Variants in LRP1B observed in about 807,000 individuals in gnomAD.
LRP1B encodes the protein low-density lipoprotein receptor-related protein 1B.
A neutral mutation model predicts 556.6 loss-of-function variants in LRP1B; 217 were observed. That is an observed-to-expected ratio of 0.39 (90% CI 0.35 to 0.44). LRP1B has a LOEUF of 0.44. Ranked by LOEUF, LRP1B falls within the 20% of genes least tolerant of loss-of-function variation. The probability of loss-of-function intolerance (pLI) is 1.00; values close to 1 mark genes in which losing one functional copy is unlikely to be tolerated. For missense variants in LRP1B, 5,053 were observed against 5,620.8 expected, an observed-to-expected ratio of 0.90 and a Z score of 3.23; for synonymous variants, 2,047 against 1,865.8, an observed-to-expected ratio of 1.10 and a Z score of -2.50.
intron 29 of LRP1B, among the ~76,000 whole-genome samples, chr2:140,842,584 A>C (rs1267628663): frequency 6.6e-6 from 1 of 152,014 alleles, no homozygotes; most frequent in East Asian, 1.9e-4. Context: ...TCTTATTTTT[A>C]GTTATCCTCA....
At chr2:141,906,429 T>A (rs1464314117) in intron 1 of LRP1B, among the ~76,000 whole-genome samples, 3 of 152,008 alleles carry the variant, frequency 2.0e-5, no homozygotes, top group African/African-American at 7.2e-5. Context: ...TTCAAATATT[T>A]ATATTTTTCG....
At chr2:140,878,652 A>G (rs1284507554) in intron 25 of LRP1B, among the ~76,000 whole-genome samples, 1 of 152,136 alleles carries the variant, frequency 6.6e-6, no homozygotes, top group Non-Finnish European at 1.5e-5. Flanking sequence ...CGAAGATAGC[A>G]TCAATCTAAT....
chr2:140,657,931 A>G (rs918998928), intron 41 of LRP1B, among the ~76,000 whole-genome samples: 4 of 152,150 alleles, frequency 2.6e-5, no homozygotes, highest in Non-Finnish European at 5.9e-5. Flanking sequence ...AATTGGCTGT[A>G]TGTCAATGCT....
At chr2:141,792,352 T>C (rs1180917276) in intron 2 of LRP1B, among the ~76,000 whole-genome samples, 1 of 152,004 alleles carries the variant, frequency 6.6e-6, no homozygotes. Context: ...AATTTATGAA[T>C]CCATAATTTC....
chr2:140,604,606 G>A (rs1234154452), intron 41 of LRP1B, among the ~76,000 whole-genome samples: 1 of 152,142 alleles, frequency 6.6e-6, no homozygotes, highest in Non-Finnish European at 1.5e-5. Context: ...AAATGGGAAA[G>A]GCAGTGAAGG....
intron 41 of LRP1B, among the ~76,000 whole-genome samples, chr2:140,621,933 T>C (rs1683472544): frequency 6.6e-6 from 1 of 152,218 alleles, no homozygotes; most frequent in South Asian, 2.1e-4. Context: ...ATATTAGCTA[T>C]TCAGTTTTAT....
At chr2:141,172,441 T>C (rs1441614084) in intron 7 of LRP1B, among the ~76,000 whole-genome samples, 1 of 152,112 alleles carries the variant, frequency 6.6e-6, no homozygotes. Context: ...TACAGGTATC[T>C]GAGGCAAGGA....
chr2:141,501,261 T>C (rs1320160278), intron 2 of LRP1B, among the ~76,000 whole-genome samples: 1 of 152,118 alleles, frequency 6.6e-6, no homozygotes, highest in Non-Finnish European at 1.5e-5. Context: ...AATACACTAA[T>C]AAATTCAAGC....
intron 11 of LRP1B, among the ~76,000 whole-genome samples, chr2:141,044,582 C>A (rs1327312031): frequency 2.6e-5 from 4 of 151,246 alleles, no homozygotes; most frequent in African/African-American, 7.3e-5. Context: ...AAGAAAAAAA[C>A]AAACAACCCC....
chr2:140,661,434 A>C (rs1685087568), intron 41 of LRP1B, among the ~76,000 whole-genome samples: 1 of 151,308 alleles, frequency 6.6e-6, no homozygotes. Flanking sequence ...CCAAGACAGG[A>C]GGATCACTTG....
At chr2:140,592,280 G>T (rs1682258703) in intron 43 of LRP1B, among the ~76,000 whole-genome samples, 1 of 151,964 alleles carries the variant, frequency 6.6e-6, no homozygotes, top group South Asian at 2.1e-4. Flanking sequence ...ACCATAATTG[G>T]CATTAAATAT....
At chr2:141,183,075 T>C (rs1295507804) in intron 7 of LRP1B, among the ~76,000 whole-genome samples, 2 of 152,032 alleles carry the variant, frequency 1.3e-5, no homozygotes, top group African/African-American at 4.8e-5. Flanking sequence ...AAGTGATACA[T>C]AGTGGTTGGG....
chr2:140,397,212 C>T (rs973196725), intron 66 of LRP1B, among the ~76,000 whole-genome samples: 1 of 152,076 alleles, frequency 6.6e-6, no homozygotes, highest in Non-Finnish European at 1.5e-5. Context: ...CTGGGGTACA[C>T]GTGCAGGATG....
intron 8 of LRP1B, among the ~76,000 whole-genome samples, chr2:141,060,049 C>T (rs1420205770): frequency 6.6e-6 from 1 of 151,618 alleles, no homozygotes; most frequent in Non-Finnish European, 1.5e-5. Context: ...AAAGTATGTG[C>T]GGTTTGATTA....
At chr2:140,338,738 A>G (rs1004003345) in intron 77 of LRP1B, among the ~76,000 whole-genome samples, 3 of 151,794 alleles carry the variant, frequency 2.0e-5, no homozygotes, top group Non-Finnish European at 1.5e-5. Flanking sequence ...GGAAAAGTAC[A>G]CTGACATTCT....
At chr2:142,065,544 A>T (rs1186949453) in intron 1 of LRP1B, among the ~76,000 whole-genome samples, 1 of 151,260 alleles carries the variant, frequency 6.6e-6, no homozygotes, top group East Asian at 1.9e-4. Flanking sequence ...AATTCAGGAA[A>T]TTTCTTTATT....
chr2:141,699,080 A>C (rs1288451579), intron 2 of LRP1B, among the ~76,000 whole-genome samples: 3 of 151,886 alleles, frequency 2.0e-5, no homozygotes, highest in African/African-American at 7.2e-5. Flanking sequence ...ACCCACAGGA[A>C]TTGGGAAGAG....
chr2:140,482,953 A>AT (rs1399430037), intron 59 of LRP1B, among the ~76,000 whole-genome samples: 1 of 152,110 alleles, frequency 6.6e-6, no homozygotes, highest in Non-Finnish European at 1.5e-5. Context: ...TTAAGTTTTC[A>AT]TTTTTTGAAG....
At chr2:141,431,914 TA>T (rs1416655394) in intron 3 of LRP1B, among the ~76,000 whole-genome samples, 1 of 152,126 alleles carries the variant, frequency 6.6e-6, no homozygotes, top group Non-Finnish European at 1.5e-5. Context: ...CAAGGAGAGA[TA>T]TTTTTACTTT....
Sources: gnomAD v4.1 joint callset for allele counts (sites outside exome capture counted in the v4.1 genomes callset) on GRCh38, gnomAD v4.1.1 for gene constraint, MANE v1.5 for transcripts, NCBI Gene and HGNC (gene_info 2026-07-23, HGNC 2026-07-21) for gene names.